The following DOCK10 variants were observed in gnomAD, a reference collection of about 807,000 sequenced individuals.
DOCK10 encodes the protein dedicator of cytokinesis protein 10.
Under a neutral mutation model 280.1 loss-of-function variants are expected in DOCK10, and 145 were observed. The observed-to-expected ratio is 0.52, with a 90% CI of 0.45 to 0.59. The LOEUF is 0.59. DOCK10 is among the 20% of genes least tolerant of loss of function. DOCK10 has a pLI of 0.00. For synonymous variants in DOCK10, 915 were observed against 942.2 expected (o/e 0.97, Z 0.53); for missense variants, 2,368 against 2,651.7 (o/e 0.89, Z 2.35).
rs1703215743 is a variant in DOCK10 at position 224,943,608 on chromosome 2, T to C, written c.124-11940A>G. On this transcript the variant is annotated intron_variant, in intron 1 of 55. Transcript: ENST00000258390. Reference sequence around the variant, plus strand: ...CAATTTATGAGTATATCCAAAAATTTAAAAGAAGTTATTGCTTTCTTCTTT... The same window carrying C: ...CAATTTATGAGTATATCCAAAAATTCAAAAGAAGTTATTGCTTTCTTCTTT... 3.3e-5 allele frequency among the ~76,000 whole-genome samples: 5 copies of C among 152,194 alleles called. No individual in the cohort carries two copies. In the South Asian group the frequency reaches 1.0e-3, roughly 32 times the overall value.
At position 224,916,830 on chromosome 2, in the gene DOCK10, G is replaced by A. The variant is rs1701356547; in HGVS notation, c.244-46C>T. Reference sequence around the variant, plus strand: ...AAATTGAGTCCTCCGGCTTAGAAGTGTCGAGCAGACCAGCACACTGAACAC... The same window carrying A: ...AAATTGAGTCCTCCGGCTTAGAAGTATCGAGCAGACCAGCACACTGAACAC... On this transcript the variant is annotated intron_variant, in intron 2 of 55. Transcript: ENST00000258390. The A allele has an allele frequency of 2.8e-6, 4 of 1,454,338 alleles. No individual in the cohort carries two copies. In the African/African-American group the frequency reaches 5.6e-5, roughly 20 times the overall value. 90.1% of individuals were successfully genotyped at this position (1,454,338 alleles called of 1,614,324 possible).
Position 224,773,475 on chromosome 2 carries a change from A to G in DOCK10, c.6014-128T>C, listed in dbSNP as rs1001954387. 4.2e-5 allele frequency: 34 copies of G among 804,554 alleles called. No homozygotes were observed. The South Asian group carries it at 6.3e-4, about 15-fold the overall frequency. 49.8% of individuals were successfully genotyped at this position (804,554 alleles called of 1,614,324 possible). ...GCACCTTCCATTCTGCATGCTTTTCATGCATGGGAGTTACTTTTTCTGCTA... is the reference window on the plus strand; with the variant it reads ...GCACCTTCCATTCTGCATGCTTTTCGTGCATGGGAGTTACTTTTTCTGCTA... On this transcript the variant is annotated intron_variant, in intron 52 of 55. Coordinates refer to ENST00000258390, the MANE Select transcript of DOCK10 (RefSeq NM_014689.3).
At position 224,970,865 on chromosome 2, in the gene DOCK10, A is replaced by G. The variant is rs946173286; in HGVS notation, c.124-39197T>C. Among the ~76,000 whole-genome samples, 3 of 152,238 alleles carry G rather than the reference A, an allele frequency of 2.0e-5. No homozygotes were observed. Among genetic ancestry groups the G allele is most frequent in the Admixed American group, 6.5e-5 (1 of 15,282 alleles). On this transcript the variant is annotated intron_variant, in intron 1 of 55. Coordinates refer to ENST00000258390, the MANE Select transcript of DOCK10 (RefSeq NM_014689.3). This position sits in a 1 kb window ranked among gnomAD's most constrained non-coding sequence, Gnocchi z 4.6. Reference sequence around the variant, plus strand: ...TAGGATTTGCTATGCTATTGACATTACTTTGTATTTTGTAGCTAGCATCTA... The same window carrying G: ...TAGGATTTGCTATGCTATTGACATTGCTTTGTATTTTGTAGCTAGCATCTA...
intron 3 of DOCK10, among the ~76,000 whole-genome samples, chr2:224,903,975 T>C (rs1259278172): frequency 6.6e-6 from 1 of 152,210 alleles, no homozygotes; most frequent in East Asian, 1.9e-4. Flanking sequence ...ATATATTTTA[T>C]CCTAAGTTCA....
At chr2:224,932,557 C>A (rs932950462) in intron 1 of DOCK10, among the ~76,000 whole-genome samples, 2 of 152,158 alleles carry the variant, frequency 1.3e-5, no homozygotes, top group African/African-American at 4.8e-5. Flanking sequence ...ATTTATGCAA[C>A]CTAAGTGAAA....
chr2:224,772,232 T>C (rs1393244879), intron 53 of DOCK10, among the ~76,000 whole-genome samples: 1 of 152,196 alleles, frequency 6.6e-6, no homozygotes, highest in Non-Finnish European at 1.5e-5. Flanking sequence ...TCTTTGGCTT[T>C]TAGGGTCCAA....
intron 19 of DOCK10, among the ~76,000 whole-genome samples, chr2:224,848,927 GAC>G (rs1460647657): frequency 6.6e-6 from 1 of 152,164 alleles, no homozygotes; most frequent in Non-Finnish European, 1.5e-5. Flanking sequence ...AAGAAAAGAA[GAC>G]AAGATATATC....
At chr2:224,820,142 C>T (rs1392242832) in intron 28 of DOCK10, among the ~76,000 whole-genome samples, 1 of 152,200 alleles carries the variant, frequency 6.6e-6, no homozygotes, top group African/African-American at 2.4e-5. Flanking sequence ...TCCTTATCAG[C>T]TGAGGAAGCT....
chr2:224,828,597 G>T (rs1219978220), intron 27 of DOCK10, among the ~76,000 whole-genome samples: 1 of 152,162 alleles, frequency 6.6e-6, no homozygotes, highest in African/African-American at 2.4e-5. Context: ...TCATTAAGAA[G>T]GTCAGGGGTG....
intron 42 of DOCK10, among the ~76,000 whole-genome samples, chr2:224,797,624 T>C (rs1559427499): frequency 6.6e-6 from 1 of 152,196 alleles, no homozygotes; most frequent in African/African-American, 2.4e-5. Flanking sequence ...TGTCACCAGA[T>C]GCTAATATCT....
At chr2:225,032,863 T>C (rs556824792) in intron 1 of DOCK10, among the ~76,000 whole-genome samples, 68 of 152,348 alleles carry the variant, frequency 4.5e-4, no homozygotes, top group African/African-American at 1.6e-3. Flanking sequence ...TTTTATAGAA[T>C]GTTTAATTTG....
Position 224,924,383 on chromosome 2 carries a change from C to A in DOCK10, c.243+7166G>T, listed in dbSNP as rs77861122. ...ATTTTCCCATCTCCCCAGCCCATGG[C>A]AACCACTAATCTCCTTTCTCTCTCT... is the stretch of plus-strand genomic sequence containing the variant. On this transcript the variant is annotated intron_variant, in intron 2 of 55. Transcript: ENST00000258390. Among the ~76,000 whole-genome samples the A allele has an allele frequency of 5.4e-3, 817 of 152,314 alleles. 5 individuals are homozygous for A. The highest frequency in any genetic ancestry group is 0.018 in the African/African-American group (764 of 41,564).
At chr2:224,844,646 C>T (rs761684231) in intron 22 of DOCK10, 107 bp downstream of exon 22, 1 of 751,910 alleles carries the variant, frequency 1.3e-6, no homozygotes, top group Non-Finnish European at 2.3e-6. Flanking sequence ...AAACACCTGC[C>T]TTTCTGACAC....
intron 11 of DOCK10, among the ~76,000 whole-genome samples, chr2:224,873,435 T>C (rs542135395): frequency 2.6e-5 from 4 of 151,672 alleles, no homozygotes; most frequent in African/African-American, 9.7e-5. Flanking sequence ...AAAAATTAGC[T>C]AGGCGGCCAT....
intron 11 of DOCK10, among the ~76,000 whole-genome samples, chr2:224,870,814 C>CTT (rs1559614196): frequency 2.8e-5 from 3 of 106,474 alleles, no homozygotes; most frequent in Non-Finnish European, 5.4e-5. Flanking sequence ...ATGGCCACTC[C>CTT]ATTTTTTTTT....
chr2:224,784,313 C>T (rs1419044647), intron 50 of DOCK10, among the ~76,000 whole-genome samples: 1 of 152,228 alleles, frequency 6.6e-6, no homozygotes, highest in East Asian at 1.9e-4. Context: ...CAATAACCAT[C>T]ACTCCAACTT....
chr2:224,921,560 C>T (rs184644552), intron 2 of DOCK10, among the ~76,000 whole-genome samples: 513 of 152,102 alleles, frequency 3.4e-3, no homozygotes, highest in African/African-American at 0.012. Flanking sequence ...GTGTACAATG[C>T]CTGGTGGTCT....
chr2:225,033,191 A>AT (rs36079936), intron 1 of DOCK10, among the ~76,000 whole-genome samples: 60,383 of 149,474 alleles, frequency 0.4, 14,714 homozygotes, highest in South Asian at 0.56. Flanking sequence ...TGGTACTATT[A>AT]TTTTTTTTTT....
At chr2:224,885,352 T>G (rs1699216229) in intron 7 of DOCK10, among the ~76,000 whole-genome samples, 1 of 152,250 alleles carries the variant, frequency 6.6e-6, no homozygotes, top group Non-Finnish European at 1.5e-5. Context: ...AAAAATGCTC[T>G]TCTCCCTTAT....
Sources: gnomAD v4.1 joint callset for allele counts (sites outside exome capture counted in the v4.1 genomes callset) on GRCh38, gnomAD v4.1.1 for gene constraint, Gnocchi (gnomAD v3.1) non-coding constraint, MANE v1.5 for transcripts, NCBI Gene and HGNC (gene_info 2026-07-23, HGNC 2026-07-21) for gene names.